ABL1: variants seen among roughly 807,000 people sequenced by gnomAD.
ABL1 encodes tyrosine-protein kinase ABL1.
A neutral mutation model predicts 94.7 loss-of-function variants in ABL1; 11 were observed. The ratio of observed to expected loss-of-function variants is 0.12; its 90% CI spans 0.07 to 0.19. The LOEUF is 0.19. Among genes scored for constraint, ABL1 ranks in the 10% least tolerant of loss-of-function variants. The probability of loss-of-function intolerance (pLI) is 1.00; values close to 1 mark genes in which losing one functional copy is unlikely to be tolerated. For synonymous variants in ABL1, 656 were observed against 622.4 expected (o/e 1.05, Z -0.80); for missense variants, 1,082 against 1,489.4 (o/e 0.73, Z 4.50).
At position 130,839,077 on chromosome 9, in the gene ABL1, AT is replaced by A. The variant is rs58433816; in HGVS notation, c.79+3568del. 5.0e-3 allele frequency among the ~76,000 whole-genome samples: 719 copies of A among 143,890 alleles called. 4 individuals carry two copies. The highest frequency in any genetic ancestry group is 6.7e-3 in the Non-Finnish European group (438 of 65,324). The allele number at this position is 143,890 out of a possible 152,430, so 94.4% of individuals were successfully genotyped here. On this transcript the variant is annotated intron_variant, in intron 1 of 10. Transcript: ENST00000318560. ...GGCATATGCTACCTGACTAATTAAA[AT>A]TTTTTTTTTTTTTTTGTAGAGACAG...
rs1466365914 is a variant in ABL1, at chr9:130,814,213, G to A, written c.137-39851G>A. Among the ~76,000 whole-genome samples the A allele has an allele frequency of 6.6e-6, 1 of 152,002 alleles. No individual in the cohort carries two copies. Among genetic ancestry groups the A allele is most frequent in the East Asian group, 1.9e-4 (1 of 5,170 alleles). On this transcript the variant is annotated intron_variant, in intron 1 of 10. Coordinates refer to the ABL1 transcript ENST00000372348. The surrounding 1 kb of genome is among the most constrained non-coding windows in gnomAD (Gnocchi z 4.4). ...GAGGCAGGAGAATCGCTTTAACCAG[G>A]GAGTCGGAGGTTGCAGTGAACCGAG... is the stretch of plus-strand genomic sequence containing the variant.
intron 1 of ABL1, among the ~76,000 whole-genome samples, chr9:130,784,128 A>G (rs929957102): frequency 4.6e-5 from 7 of 152,130 alleles, no homozygotes; most frequent in African/African-American, 1.7e-4. Context: ...AAAAATCTCT[A>G]AAATCAGGGT....
intron 1 of ABL1, among the ~76,000 whole-genome samples, chr9:130,766,730 C>T (rs1255692964): frequency 6.6e-6 from 1 of 152,148 alleles, no homozygotes; most frequent in African/African-American, 2.4e-5. Context: ...AACCTCACAC[C>T]ACCCACTGCT....
intron 1 of ABL1, among the ~76,000 whole-genome samples, chr9:130,743,435 C>T (rs1030165278): frequency 4.6e-5 from 7 of 152,158 alleles, no homozygotes; most frequent in Non-Finnish European, 8.8e-5. Flanking sequence ...AGTGATTCCC[C>T]ACCTCCTGGT....
rs1830260560 is a variant in ABL1 at position 130,814,750 on chromosome 9, G to A, written c.137-39314G>A. On this transcript the variant is annotated intron_variant, in intron 1 of 10. Coordinates refer to the ABL1 transcript ENST00000372348. The surrounding 1 kb of genome is among the most constrained non-coding windows in gnomAD (Gnocchi z 4.4). ...AAATTCTCCGGGCGTGGTGGCGGGCGCCTGTAGTCCCAGCTACTCAGGAGG... is the reference window on the plus strand; with the variant it reads ...AAATTCTCCGGGCGTGGTGGCGGGCACCTGTAGTCCCAGCTACTCAGGAGG... 6.6e-6 allele frequency among the ~76,000 whole-genome samples: 1 copy of A among 151,834 alleles called. No individual in the cohort carries two copies. The highest frequency in any genetic ancestry group is 1.5e-5 in the Non-Finnish European group (1 of 67,942).
Position 130,859,678 on chromosome 9 carries a change from T to C in ABL1, c.550-3085T>C, listed in dbSNP as rs1040764470. 8.3e-4 allele frequency among the ~76,000 whole-genome samples: 49 copies of C among 59,182 alleles called. 1 individual carries two copies. Among genetic ancestry groups the C allele is most frequent in the African/African-American group, 6.8e-3 (46 of 6,772 alleles). 38.8% of individuals were successfully genotyped at this position (59,182 alleles called of 152,430 possible). A position where few individuals can be genotyped will look rare whatever the true frequency, so the allele number is the denominator to read the frequency against. On this transcript the variant is annotated intron_variant, in intron 3 of 10. Transcript: ENST00000318560. ...AACGCTGTTTCTTTTCTTTCTTTCC[T>C]TTTTTTTTTTTTTTTTTTTTTTTTT...
At position 130,885,546 on chromosome 9, in the gene ABL1, G is replaced by A. The variant is rs763572862; in HGVS notation, c.3256G>A (p.Ala1086Thr). ...GAGGAACAAGTTTGCCTTCCGAGAG[G>A]CCATCAACAAACTGGAGAATAATCT... Reference protein sequence around the residue: ...QMRNKFAFREAINKLENNLRE... With the variant: ...QMRNKFAFRETINKLENNLRE... Residue 1086 changes from alanine (A) to threonine (T), a missense_variant, in exon 11 of 11, where the codon GCC (alanine) becomes ACC (threonine). Physicochemically the swap from Ala to Thr is moderately conservative, Grantham distance 58 (BLOSUM62 0). This residue lies in a region of ABL1 where 780 missense variants were observed against 835.8 expected (regional missense o/e 0.93). Transcript: ENST00000318560. 5 of 1,614,148 alleles carry A rather than the reference G, an allele frequency of 3.1e-6. No individual in the cohort carries two copies. The highest frequency in any genetic ancestry group is 1.1e-5 in the South Asian group (1 of 91,088).
Position 130,814,870 on chromosome 9 carries a change from C to G in ABL1, c.137-39194C>G, listed in dbSNP as rs1449584538. 6.7e-6 allele frequency among the ~76,000 whole-genome samples: 1 copy of G among 148,808 alleles called. No homozygotes were observed. Among genetic ancestry groups the G allele is most frequent in the Non-Finnish European group, 1.5e-5 (1 of 67,868 alleles). On this transcript the variant is annotated intron_variant, in intron 1 of 10. Transcript: ENST00000372348. The surrounding 1 kb of genome is among the most constrained non-coding windows in gnomAD (Gnocchi z 4.4). ...CCAGCCTGGGTGACAGAGCCAGACT[C>G]TGTCTCAAAAAAATAAAATAAAATA...
At chr9:130,858,181 C>T (rs1312971605) in intron 3 of ABL1, among the ~76,000 whole-genome samples, 1 of 151,546 alleles carries the variant, frequency 6.6e-6, no homozygotes, top group Non-Finnish European at 1.5e-5. Flanking sequence ...TGCAGGCAGG[C>T]ATGATCTAGT....
intron 3 of ABL1, among the ~76,000 whole-genome samples, chr9:130,855,390 A>T (rs533491368): frequency 5.6e-5 from 8 of 144,010 alleles, no homozygotes; most frequent in South Asian, 2.1e-4. Context: ...ATTTTTTACA[A>T]TAAGATTCTT....
chr9:130,723,190 T>C (rs544606056), intron 1 of ABL1, among the ~76,000 whole-genome samples: 1 of 152,302 alleles, frequency 6.6e-6, no homozygotes, highest in South Asian at 2.1e-4. Context: ...GACTCCTTGC[T>C]GTGTTCGTCC....
exon 1 of ABL1, among the ~76,000 whole-genome samples, chr9:130,713,154 CCGGCGGGGGGCGGCTGGGTCCCT>C (rs1831391928): frequency 6.6e-6 from 1 of 152,184 alleles, no homozygotes; most frequent in South Asian, 2.1e-4. Flanking sequence ...ACGGCCCCTA[CCGGCGGGGGGCGGCTGGGTCCCT>C]CGGCGGAGCT....
intron 6 of ABL1, among the ~76,000 whole-genome samples, chr9:130,874,170 G>A (rs7869311): frequency 0.013 from 2,046 of 152,204 alleles, 51 homozygotes; most frequent in African/African-American, 0.046. Context: ...CTCTCATTCC[G>A]CTCTTCCCGT....
intron 6 of ABL1, 39 bp from the exon 7 acceptor site, chr9:130,874,829 G>T: frequency 1.2e-6 from 2 of 1,603,654 alleles, no homozygotes; most frequent in South Asian, 2.2e-5. Context: ...GTGGAAGGTT[G>T]GCCAGGAGCT....
chr9:130,725,564 G>T (rs1376619103), intron 1 of ABL1, among the ~76,000 whole-genome samples: 2 of 151,844 alleles, frequency 1.3e-5, no homozygotes, highest in Non-Finnish European at 2.9e-5. Flanking sequence ...ATTTTTAGTA[G>T]AGATGGGGTT....
At chr9:130,868,514 CTTTT>C (rs1483093812) in intron 4 of ABL1, among the ~76,000 whole-genome samples, 3 of 129,632 alleles carry the variant, frequency 2.3e-5, no homozygotes, top group Non-Finnish European at 4.8e-5. Context: ...TTTCTTTTTT[CTTTT>C]TCTTTTTTTT....
Position 130,872,996 on chromosome 9 carries a change from G to T in ABL1, c.1044G>T (p.Ser348=). Residue 348 remains serine (S), a synonymous_variant, in exon 6 of 11, where the codon TCG becomes TCT. Coordinates refer to ENST00000318560, the MANE Select transcript of ABL1 (RefSeq NM_005157.6). This position sits in a 1 kb window ranked among gnomAD's most constrained non-coding sequence, Gnocchi z 5.0. The part of the protein sequence containing the change: ...VVLLYMATQI[S]SAMEYLEKKN... Reference sequence around the variant, plus strand: ...TGCTGTACATGGCCACTCAGATCTCGTCAGCCATGGAGTACCTGGAGAAGA... The same window carrying T: ...TGCTGTACATGGCCACTCAGATCTCTTCAGCCATGGAGTACCTGGAGAAGA... 1 of 1,614,134 alleles carries T rather than the reference G, an allele frequency of 6.2e-7. No homozygotes were observed. Among genetic ancestry groups the T allele is most frequent in the South Asian group, 1.1e-5 (1 of 91,078 alleles).
chr9:130,871,877 G>A (rs1270340824), intron 4 of ABL1, among the ~76,000 whole-genome samples: 3 of 152,222 alleles, frequency 2.0e-5, no homozygotes, highest in South Asian at 2.1e-4. Context: ...GCAGGTTGTC[G>A]GCACATGCAA....
At chr9:130,745,932 C>T (rs566623269) in intron 1 of ABL1, among the ~76,000 whole-genome samples, 7 of 151,828 alleles carry the variant, frequency 4.6e-5, no homozygotes, top group South Asian at 4.2e-4. Context: ...TTGTACTTAA[C>T]GGACTCAGAA....
Sources: gnomAD v4.1 joint callset for allele counts (sites outside exome capture counted in the v4.1 genomes callset) on GRCh38, gnomAD v4.1.1 for gene constraint, gnomAD v4.1.1 regional missense constraint, Gnocchi (gnomAD v3.1) non-coding constraint, MANE v1.5 for transcripts, NCBI Gene and HGNC (gene_info 2026-07-23, HGNC 2026-07-21) for gene names.